PNKP: variants seen among roughly 807,000 people sequenced by gnomAD.
PNKP encodes bifunctional polynucleotide phosphatase/kinase.
A neutral mutation model predicts 66.2 loss-of-function variants in PNKP; 82 were observed. The ratio of observed to expected loss-of-function variants is 1.24; its 90% CI spans 1.04 to 1.49. PNKP has a LOEUF of 1.49. PNKP is among the 40% of genes most tolerant of loss of function. The pLI is 0.00. For synonymous variants in PNKP, 412 were observed against 298.9 expected (o/e 1.38, Z -3.90); for missense variants, 907 against 706.8 (o/e 1.28, Z -3.21).
At chr19:49,862,908 C>A in intron 8 of PNKP, 170 bp from the exon 9 acceptor site, 1 of 725,636 alleles carries the variant, frequency 1.4e-6, no homozygotes, top group East Asian at 2.7e-5. Flanking sequence ...CCCCTCCCCC[C>A]TCCGTGGTCT....
At position 49,867,038 on chromosome 19, in the gene PNKP, C is replaced by A; in HGVS notation, c.151+16G>T. 1 of 1,613,412 alleles carries A rather than the reference C, an allele frequency of 6.2e-7. No individual in the cohort carries two copies. Among genetic ancestry groups the A allele is most frequent in the Non-Finnish European group, 8.5e-7 (1 of 1,179,492 alleles). ...TTGCAGCAGGCCACACCCCCTCCAG[C>A]TCAGGCCCCGCTCACCTTGAGTTCT... On this transcript the variant is annotated intron_variant, in intron 2 of 16. Transcript: ENST00000322344.
Position 49,867,230 on chromosome 19 carries a change from T to A in PNKP, c.-13-13A>T, listed in dbSNP as rs1327709067. Reference sequence around the variant, plus strand: ...CCTGGGTGCCGGCCTGGGGAGCAGGTAAACGGGCTTGAGCGGCGCACAGCC... The same window carrying A: ...CCTGGGTGCCGGCCTGGGGAGCAGGAAAACGGGCTTGAGCGGCGCACAGCC... On this transcript the variant is annotated splice_polypyrimidine_tract_variant and intron_variant, in intron 1 of 16. Transcript: ENST00000322344. 6.2e-7 allele frequency: 1 copy of A among 1,600,238 alleles called. No individual in the cohort carries two copies. Among genetic ancestry groups the A allele is most frequent in the Admixed American group, 1.7e-5 (1 of 58,430 alleles).
intron 1 of PNKP, 35 bp from the exon 2 acceptor site, chr19:49,867,252 A>T (rs769699606): frequency 2.4e-5 from 37 of 1,565,706 alleles, no homozygotes; most frequent in Middle Eastern, 2.1e-4. Context: ...AGCGGCGCAC[A>T]GCCCCAATTT....
chr19:49,863,311 C>T (rs1335265626), intron 8 of PNKP, among the ~76,000 whole-genome samples: 1 of 152,182 alleles, frequency 6.6e-6, no homozygotes, highest in East Asian at 1.9e-4. Context: ...TGCCTGCTTT[C>T]TCCAGCTCCC....
At position 49,867,065 on chromosome 19, in the gene PNKP, G is replaced by C; in HGVS notation, c.140C>G (p.Ser47Cys). ...CAGGCCCCGCTCACCTTGAGTTCTGGAGCACTTCCGGTCCGTAACCTGGGT... is the reference window on the plus strand; with the variant it reads ...CAGGCCCCGCTCACCTTGAGTTCTGCAGCACTTCCGGTCCGTAACCTGGGT... ...PLTQVTDRKCSRTQVELVADP... is the reference protein window; with the variant it reads ...PLTQVTDRKCCRTQVELVADP... The change falls in exon 2 of 17, where the codon TCC becomes TGC. Residue 47 changes from serine to cysteine, a missense_variant. Transcript: ENST00000322344. 2 of 1,613,936 alleles carry C rather than the reference G, an allele frequency of 1.2e-6. No individual in the cohort carries two copies. The highest frequency in any genetic ancestry group is 8.5e-7 in the Non-Finnish European group (1 of 1,179,954).
rs373555143 is a variant in PNKP, at chr19:49,863,457, G to A, written c.816+232C>T. Among the ~76,000 whole-genome samples, 3 of 152,336 alleles carry A rather than the reference G, an allele frequency of 2.0e-5. No homozygotes were observed. In the East Asian group the frequency reaches 5.8e-4, roughly 29 times the overall value. ...GAATGCGCTAAACTTCAGAACAAAT[G>A]CACACACAAACGAATGAACGAAGGA... On this transcript the variant is annotated intron_variant, in intron 8 of 16. Coordinates refer to ENST00000322344, the MANE Select transcript of PNKP (RefSeq NM_007254.4).
At chr19:49,863,815 G>T in intron 7 of PNKP, 55 bp from the exon 8 acceptor site, 1 of 1,481,452 alleles carries the variant, frequency 6.8e-7, no homozygotes, top group Non-Finnish European at 9.2e-7. Context: ...CCTACTGGAT[G>T]CCACCCCAGC....
At chr19:49,867,339 C>G in intron 1 of PNKP, 122 bp from the exon 2 acceptor site, 1 of 1,065,462 alleles carries the variant, frequency 9.4e-7, no homozygotes, top group Non-Finnish European at 1.3e-6. Flanking sequence ...GTCCCACCCG[C>G]TCGCCTTCCG....
At chr19:49,866,334 C>T (rs1039380490) in intron 3 of PNKP, 65 bp downstream of exon 3, 104 of 1,446,888 alleles carry the variant, frequency 7.2e-5, no homozygotes, top group Non-Finnish European at 8.7e-5. Flanking sequence ...CCTTCACTGA[C>T]GGCTTGCAAT....
intron 13 of PNKP, 21 bp downstream of exon 13, chr19:49,862,023 G>T (rs750240376): frequency 6.2e-7 from 1 of 1,613,598 alleles, no homozygotes; most frequent in Non-Finnish European, 8.5e-7. Context: ...TAGATTTGGG[G>T]CGGCAAAAGC....
intron 15 of PNKP, 27 bp from the exon 16 acceptor site, chr19:49,861,537 G>A (rs1272853745): frequency 1.9e-6 from 3 of 1,609,482 alleles, no homozygotes; most frequent in Admixed American, 3.3e-5. Flanking sequence ...AGGGGCGGCA[G>A]GCCCAGGGGT....
In PNKP at chr19:49,862,600, C is replaced by G; in HGVS notation, c.874G>C (p.Gly292Arg). The change falls in exon 10 of 17, where the codon GGA becomes CGA. Residue 292 changes from glycine to arginine, a missense_variant. Gly to Arg is a moderately radical substitution (Grantham distance 125). Transcript: ENST00000322344. The part of the protein sequence containing the change: ...GDSIFVGDAA[G>R]RPANWAPGRK... ...CCCGGGGCCCAGTTGGCCGGGCGTC[C>G]GGCTGCGTCTGGAACACACGGGACA... 6.2e-7 allele frequency: 1 copy of G among 1,613,684 alleles called. No individual in the cohort carries two copies. Among genetic ancestry groups the G allele is most frequent in the Non-Finnish European group, 8.5e-7 (1 of 1,179,798 alleles).
At chr19:49,861,417 G>A (rs552751573) in intron 16 of PNKP, 32 bp downstream of exon 16, 1 of 1,614,094 alleles carries the variant, frequency 6.2e-7, no homozygotes. Flanking sequence ...GGCCCAGCCA[G>A]TGCCCCTGCC....
rs1409387998 is a variant in PNKP, at chr19:49,862,751, G to A, written c.817-13C>T. 2 of 1,613,864 alleles carry A rather than the reference G, an allele frequency of 1.2e-6. No individual in the cohort carries two copies. Among genetic ancestry groups the A allele is most frequent in the African/African-American group, 2.7e-5 (2 of 74,916 alleles). ...TGCCGTCGTTGGCCTACGGGAGACG[G>A]TAGTGAGGAGGCCCTTCCCACAAAT... On this transcript the variant is annotated splice_polypyrimidine_tract_variant and intron_variant, in intron 8 of 16. Coordinates refer to ENST00000322344, the MANE Select transcript of PNKP (RefSeq NM_007254.4).
Position 49,867,205 on chromosome 19 carries a change from C to T in PNKP, c.-1G>A. ...GGCCCGGGGCCTCCACCTCGCCCATCCTGGGTGCCGGCCTGGGGAGCAGGT... is the reference window on the plus strand; with the variant it reads ...GGCCCGGGGCCTCCACCTCGCCCATTCTGGGTGCCGGCCTGGGGAGCAGGT... On this transcript the variant is annotated 5_prime_UTR_variant, in exon 2 of 17. Transcript: ENST00000322344. The T allele has an allele frequency of 6.2e-7, 1 of 1,610,102 alleles. No individual in the cohort carries two copies. Among genetic ancestry groups the T allele is most frequent in the South Asian group, 1.1e-5 (1 of 90,910 alleles).
In PNKP at chr19:49,864,058, GTGA is replaced by G; in HGVS notation, c.647_649del (p.Phe216_Thr217delinsSer). The G allele has an allele frequency of 6.2e-7, 1 of 1,613,894 alleles. No homozygotes were observed. The highest frequency in any genetic ancestry group is 8.5e-7 in the Non-Finnish European group (1 of 1,179,964). On this transcript the variant is annotated inframe_deletion, in exon 7 of 17. Transcript: ENST00000322344. ...CCCGCGCCCGATGCTCATCTGGTTG[GTGA>G]AGATCACCAGCTGGGGAGCAAAGGG... is the stretch of plus-strand genomic sequence containing the variant.
rs1057523595 is a variant in PNKP, at chr19:49,861,589, C to T, written c.1386+19G>A. The T allele has an allele frequency of 1.9e-6, 3 of 1,559,804 alleles. No homozygotes were observed. Among genetic ancestry groups the T allele is most frequent in the Non-Finnish European group, 1.7e-6 (2 of 1,153,230 alleles). The stretch of plus-strand genomic sequence containing the variant: ...TCAGGGGGTGCAGCCCGGGGGGTGT[C>T]CGGGCTGAGCGGGCTCACCCGGTTG... On this transcript the variant is annotated intron_variant, in intron 15 of 16. Transcript: ENST00000322344.
At chr19:49,862,849 C>CTG in intron 8 of PNKP, 111 bp from the exon 9 acceptor site, 1 of 1,181,312 alleles carries the variant, frequency 8.5e-7, no homozygotes. Context: ...AATCATCCCC[C>CTG]GACCTTTCAT....
rs1455483138 is a variant in PNKP at position 49,867,364 on chromosome 19, T to A, written c.-14+105A>T. 32 of 826,178 alleles carry A rather than the reference T, an allele frequency of 3.9e-5. No homozygotes were observed. In the East Asian group the frequency reaches 8.6e-4, roughly 22 times the overall value. 51.2% of individuals were successfully genotyped at this position (826,178 alleles called of 1,614,324 possible). On this transcript the variant is annotated intron_variant, in intron 1 of 16. Coordinates refer to ENST00000322344, the MANE Select transcript of PNKP (RefSeq NM_007254.4). ...CTCGCCTTCCGCGGGTCGACCCGTT[T>A]CCCAGGCGACGACGCGTGCTCCATC...
Sources: allele counts gnomAD v4.1 joint callset (sites outside exome capture counted in the v4.1 genomes callset), GRCh38; gene constraint gnomAD v4.1.1; transcripts MANE v1.5; gene names NCBI Gene and HGNC (gene_info 2026-07-23, HGNC 2026-07-21).